PKNOX2: variants seen among roughly 807,000 people sequenced by gnomAD.
The protein encoded by PKNOX2 is PBX/knotted 1 homeobox 2, also known as homeobox protein PKNOX2.
A neutral mutation model predicts 53.1 loss-of-function variants in PKNOX2; 14 were observed. The ratio of observed to expected loss-of-function variants is 0.26; its 90% CI spans 0.17 to 0.41. PKNOX2 has a LOEUF of 0.41. PKNOX2 is among the 10% of genes least tolerant of loss of function. The pLI, the probability that PKNOX2 is intolerant of heterozygous loss-of-function variation, is 1.00. For missense variants in PKNOX2, 496 were observed against 602.8 expected (o/e 0.82, Z 1.85); for synonymous variants, 257 against 242.8 (o/e 1.06, Z -0.54).
At chr11:125,221,896 G>T (rs555938504) in intron 1 of PKNOX2, among the ~76,000 whole-genome samples, 40 of 152,232 alleles carry the variant, frequency 2.6e-4, no homozygotes, top group Middle Eastern at 3.4e-3. Flanking sequence ...CCCACTGCCC[G>T]CCCGGGCTGT....
chr11:125,382,060 A>G (rs982532200), intron 5 of PKNOX2, among the ~76,000 whole-genome samples: 5 of 152,158 alleles, frequency 3.3e-5, no homozygotes, highest in Non-Finnish European at 5.9e-5. Context: ...CTTACCCCAC[A>G]TGCCACTCAC....
intron 1 of PKNOX2, among the ~76,000 whole-genome samples, chr11:125,181,745 AT>A (rs1956167624): frequency 6.6e-6 from 1 of 152,172 alleles, no homozygotes; most frequent in South Asian, 2.1e-4. Context: ...TGTTTGGGAG[AT>A]TCGGAGAAGA....
chr11:125,194,694 G>C (rs1270353920), intron 1 of PKNOX2, among the ~76,000 whole-genome samples: 2 of 152,168 alleles, frequency 1.3e-5, no homozygotes, highest in Non-Finnish European at 2.9e-5. Flanking sequence ...GCTTGCTGCT[G>C]CAGTGCTCCC....
At chr11:125,236,215 G>A (rs544844293) in intron 2 of PKNOX2, among the ~76,000 whole-genome samples, 2 of 152,180 alleles carry the variant, frequency 1.3e-5, no homozygotes, top group Non-Finnish European at 2.9e-5. Context: ...CGGCCCTCCC[G>A]CCTAATGGCC....
intron 1 of PKNOX2, chr11:125,189,934 CT>C (rs34546583): frequency 6.0e-5 from 9 of 149,040 alleles, no homozygotes; most frequent in East Asian, 2.0e-4. Context: ...TTCATTCTCT[CT>C]TTTTTTTTTG....
chr11:125,262,473 G>T (rs1376467296), intron 2 of PKNOX2, among the ~76,000 whole-genome samples: 2 of 152,142 alleles, frequency 1.3e-5, no homozygotes, highest in Admixed American at 1.3e-4. Context: ...GCCACATCAC[G>T]GTGGGAGGCG....
chr11:125,283,191 A>AAATAT (rs1946681905), intron 2 of PKNOX2, among the ~76,000 whole-genome samples: 3 of 152,014 alleles, frequency 2.0e-5, no homozygotes, highest in South Asian at 4.2e-4. Context: ...AAATAAAATA[A>AAATAT]AATAAATTCC....
chr11:125,337,790 G>A (rs1431851999), intron 3 of PKNOX2, among the ~76,000 whole-genome samples: 4 of 152,270 alleles, frequency 2.6e-5, no homozygotes, highest in African/African-American at 9.6e-5. Flanking sequence ...CAGAATAGGT[G>A]CTCAGTAAAT....
chr11:125,424,386 G>T (rs1452533338), intron 10 of PKNOX2, among the ~76,000 whole-genome samples: 1 of 152,002 alleles, frequency 6.6e-6, no homozygotes, highest in Admixed American at 6.5e-5. Context: ...TCTGAAATTG[G>T]GTACATCCCA....
chr11:125,345,270 C>G (rs1172143868), intron 3 of PKNOX2, among the ~76,000 whole-genome samples: 1 of 152,232 alleles, frequency 6.6e-6, no homozygotes, highest in Non-Finnish European at 1.5e-5. Context: ...ACTTCTCCCT[C>G]TTTTTGAAAC....
chr11:125,164,982 G>A (rs898691213), intron 1 of PKNOX2, among the ~76,000 whole-genome samples: 4 of 151,814 alleles, frequency 2.6e-5, no homozygotes, highest in Middle Eastern at 3.2e-3. Context: ...GCAGCAGGGA[G>A]GAGGGAGGCA....
chr11:125,261,935 T>C (rs928038020), intron 2 of PKNOX2, among the ~76,000 whole-genome samples: 3 of 152,230 alleles, frequency 2.0e-5, no homozygotes, highest in East Asian at 1.9e-4. Context: ...CCTGAGTCCC[T>C]TGGCATTCCT....
At chr11:125,369,555 C>T (rs143734137) in intron 5 of PKNOX2, among the ~76,000 whole-genome samples, 208 of 152,318 alleles carry the variant, frequency 1.4e-3, no homozygotes, top group Middle Eastern at 6.8e-3. Context: ...CACCGATAGA[C>T]GTACAAACAA....
rs1370112193 is a variant in PKNOX2, at chr11:125,215,927, A to T, written c.-200-19118A>T. On this transcript the variant is annotated intron_variant, in intron 1 of 12. Coordinates refer to ENST00000298282, the MANE Select transcript of PKNOX2 (RefSeq NM_001382323.2). The stretch of plus-strand genomic sequence containing the variant: ...CAGCGCTCAGTCATTTATTCTCTGC[A>T]TCTGGTTTTGCCAACATCAGAGAAG... 2.0e-5 allele frequency among the ~76,000 whole-genome samples: 3 copies of T among 152,322 alleles called. 1 individual carries two copies. The South Asian group carries it at 6.2e-4, about 32-fold the overall frequency.
intron 2 of PKNOX2, among the ~76,000 whole-genome samples, chr11:125,288,867 A>G (rs960674326): frequency 6.6e-6 from 1 of 152,196 alleles, no homozygotes; most frequent in African/African-American, 2.4e-5. Flanking sequence ...GGTGCTTTGT[A>G]CGTATTTCTT....
At chr11:125,185,925 A>G (rs1267744336) in intron 1 of PKNOX2, among the ~76,000 whole-genome samples, 1 of 152,178 alleles carries the variant, frequency 6.6e-6, no homozygotes, top group Admixed American at 6.5e-5. Context: ...AGGTAATTCT[A>G]TGTTTAACTT....
chr11:125,189,727 A>G (rs761631238), intron 1 of PKNOX2, among the ~76,000 whole-genome samples: 1 of 151,612 alleles, frequency 6.6e-6, no homozygotes, highest in African/African-American at 2.4e-5. Flanking sequence ...ACTCTATGCC[A>G]CTTTCTTCCA....
chr11:125,299,782 C>A (rs1180270327), intron 2 of PKNOX2, among the ~76,000 whole-genome samples: 1 of 152,136 alleles, frequency 6.6e-6, no homozygotes, highest in South Asian at 2.1e-4. Flanking sequence ...TGGATCCCCT[C>A]GCATCCCCCC....
rs1451624759 is a variant in PKNOX2 at position 125,165,091 on chromosome 11, G to C, written c.-201+315G>C. Among the ~76,000 whole-genome samples, 1 of 149,628 alleles carries C rather than the reference G, an allele frequency of 6.7e-6. No homozygotes were observed. Among genetic ancestry groups the C allele is most frequent in the Non-Finnish European group, 1.5e-5 (1 of 67,222 alleles). ...CGCGAGGGGCGGCGAGGCCGGGCAC[G>C]GAGGCTGCGAGAGCCCCGCGGGCCG... On this transcript the variant is annotated intron_variant, in intron 1 of 12. Coordinates refer to ENST00000298282, the MANE Select transcript of PKNOX2 (RefSeq NM_001382323.2). The surrounding 1 kb of genome is among the most constrained non-coding windows in gnomAD (Gnocchi z 4.5).
Sources: gnomAD v4.1 joint callset for allele counts (sites outside exome capture counted in the v4.1 genomes callset) on GRCh38, gnomAD v4.1.1 for gene constraint, Gnocchi (gnomAD v3.1) non-coding constraint, MANE v1.5 for transcripts, NCBI Gene and HGNC (gene_info 2026-07-23, HGNC 2026-07-21) for gene names.